RGS10: variants seen among roughly 807,000 people sequenced by gnomAD.
RGS10 encodes regulator of G-protein signalling 10.
In RGS10, 11 loss-of-function variants were observed where a neutral mutation model predicts 23.5. The observed-to-expected ratio is 0.47, with a 90% confidence interval of 0.29 to 0.77. The LOEUF (loss-of-function observed/expected upper bound fraction) is 0.77, where lower values mean the gene tolerates loss of function less well. Ranked by LOEUF, RGS10 falls within the 30% of genes least tolerant of loss-of-function variation. The probability of loss-of-function intolerance (pLI) is 0.08; values close to 1 mark genes in which losing one functional copy is unlikely to be tolerated. For synonymous variants in RGS10, 77 were observed against 83.2 expected (o/e 0.92, Z 0.41); for missense variants, 180 against 226.3 (o/e 0.80, Z 1.31).
At chr10:119,535,493 T>C (rs1844379551) in intron 1 of RGS10, among the ~76,000 whole-genome samples, 1 of 152,190 alleles carries the variant, frequency 6.6e-6, no homozygotes, top group Admixed American at 6.5e-5. Flanking sequence ...TATGATGTCA[T>C]ATCTAACAGA....
At chr10:119,535,370 T>C (rs969095471) in intron 1 of RGS10, among the ~76,000 whole-genome samples, 1 of 152,118 alleles carries the variant, frequency 6.6e-6, no homozygotes, top group African/African-American at 2.4e-5. Context: ...CTGTCCTATG[T>C]GGCTTCTGGC....
At chr10:119,529,207 C>CT (rs1844308971) in intron 1 of RGS10, among the ~76,000 whole-genome samples, 1 of 152,152 alleles carries the variant, frequency 6.6e-6, no homozygotes, top group East Asian at 1.9e-4. Context: ...AATCCTAGCA[C>CT]TTTAGGGGGC....
intron 1 of RGS10, among the ~76,000 whole-genome samples, chr10:119,533,731 G>C (rs191459579): frequency 6.6e-6 from 1 of 152,170 alleles, no homozygotes; most frequent in East Asian, 1.9e-4. Flanking sequence ...ACCTGCTTGT[G>C]ATATTTGTTT....
chr10:119,540,718 A>G (rs1393472936), intron 1 of RGS10, among the ~76,000 whole-genome samples: 1 of 152,200 alleles, frequency 6.6e-6, no homozygotes, highest in African/African-American at 2.4e-5. Flanking sequence ...CAATGGTTCT[A>G]TCTGTCAGTC....
At position 119,526,110 on chromosome 10, in the gene RGS10, T is replaced by TA. The variant is rs774802467; in HGVS notation, c.176dup (p.Leu59PhefsTer7). 8 of 1,536,836 alleles carry TA rather than the reference T, an allele frequency of 5.2e-6. No individual in the cohort carries two copies. Among genetic ancestry groups the TA allele is most frequent in the African/African-American group, 1.4e-5 (1 of 72,634 alleles). On this transcript the variant is annotated frameshift_variant, in exon 3 of 5. Transcript: ENST00000369103. LOFTEE classifies it high-confidence loss of function. ...CATTTTCTTCACTGAATTCCTTTTTTAAAAATTCCTGTGGATACAAAGAAA... is the reference window on the plus strand; with the variant it reads ...CATTTTCTTCACTGAATTCCTTTTTTAAAAAATTCCTGTGGATACAAAGAAA...
chr10:119,541,147 G>A (rs1844431708), intron 1 of RGS10, among the ~76,000 whole-genome samples: 1 of 152,194 alleles, frequency 6.6e-6, no homozygotes, highest in Admixed American at 6.5e-5. Flanking sequence ...CAAGTAATTT[G>A]CCCAGTGTTG....
At chr10:119,535,367 A>G (rs1844376891) in intron 1 of RGS10, among the ~76,000 whole-genome samples, 1 of 152,200 alleles carries the variant, frequency 6.6e-6, no homozygotes, top group South Asian at 2.1e-4. Context: ...ATGCTGTCCT[A>G]TGTGGCTTCT....
chr10:119,534,822 G>A (rs1395932672), intron 1 of RGS10, among the ~76,000 whole-genome samples: 11 of 151,470 alleles, frequency 7.3e-5, no homozygotes, highest in African/African-American at 2.4e-4. Context: ...CCTGGGAGGC[G>A]GAGGTTGCAG....
At chr10:119,500,604 C>A (rs1262519435) in intron 4 of RGS10, among the ~76,000 whole-genome samples, 1 of 151,756 alleles carries the variant, frequency 6.6e-6, no homozygotes, top group Non-Finnish European at 1.5e-5. Flanking sequence ...GGATGTATTT[C>A]TCCAAGAGCT....
At chr10:119,533,941 T>C (rs371126143) in intron 1 of RGS10, among the ~76,000 whole-genome samples, 15 of 152,174 alleles carry the variant, frequency 9.9e-5, no homozygotes, top group Non-Finnish European at 1.9e-4. Context: ...TACTCTGTCA[T>C]TAGCTAATAA....
intron 1 of RGS10, among the ~76,000 whole-genome samples, chr10:119,537,382 C>CAAAAAAA (rs56219523): frequency 7.6e-6 from 1 of 131,370 alleles, no homozygotes; most frequent in African/African-American, 2.9e-5. Flanking sequence ...AACTCCGTCT[C>CAAAAAAA]AAAAAAAAAA....
intron 3 of RGS10, among the ~76,000 whole-genome samples, chr10:119,521,744 G>A (rs1441689747): frequency 2.0e-5 from 3 of 149,354 alleles, no homozygotes; most frequent in Non-Finnish European, 4.4e-5. Context: ...AAACAGAACA[G>A]TTTACATATA....
intron 1 of RGS10, among the ~76,000 whole-genome samples, chr10:119,540,284 T>A (rs1416718873): frequency 1.3e-5 from 2 of 152,126 alleles, no homozygotes; most frequent in Non-Finnish European, 2.9e-5. Flanking sequence ...TGGATCTCAC[T>A]CTGTCACCCA....
rs142693532 is a variant in RGS10, at chr10:119,536,636, C to T, written c.49+5954G>A. On this transcript the variant is annotated intron_variant, in intron 1 of 4. Coordinates refer to ENST00000369103, the MANE Select transcript of RGS10 (RefSeq NM_001005339.2). The stretch of plus-strand genomic sequence containing the variant: ...TTTAAGTGGACTAAACAACAGATGG[C>T]CACTGGTTTCCAGTTTCTACTAGAG... 7.0e-5 allele frequency: 50 copies of T among 711,896 alleles called. No homozygotes were observed. The Middle Eastern group carries it at 9.9e-4, about 14-fold the overall frequency. The allele number at this position is 711,896 out of a possible 1,614,324, so 44.1% of individuals were successfully genotyped here.
chr10:119,535,677 C>T (rs1362617490), intron 1 of RGS10, among the ~76,000 whole-genome samples: 1 of 152,190 alleles, frequency 6.6e-6, no homozygotes, highest in Non-Finnish European at 1.5e-5. Context: ...TAATATCTCA[C>T]TATCCAGTTT....
intron 1 of RGS10, among the ~76,000 whole-genome samples, chr10:119,530,237 C>T (rs1417770752): frequency 6.6e-6 from 1 of 152,202 alleles, no homozygotes; most frequent in Admixed American, 6.5e-5. Flanking sequence ...TGTATCAGAG[C>T]ACACTGGACT....
chr10:119,537,085 G>A (rs994112112), intron 1 of RGS10, among the ~76,000 whole-genome samples: 5 of 152,164 alleles, frequency 3.3e-5, no homozygotes, highest in African/African-American at 1.2e-4. Context: ...CAGAAAGGAG[G>A]ACGGATAGCT....
chr10:119,532,696 C>T (rs1203239012), intron 1 of RGS10, among the ~76,000 whole-genome samples: 3 of 151,992 alleles, frequency 2.0e-5, no homozygotes, highest in African/African-American at 7.3e-5. Context: ...AAACAATTAG[C>T]CTGGAGTGGT....
At chr10:119,529,290 T>C (rs10886507) in intron 1 of RGS10, among the ~76,000 whole-genome samples, 59,414 of 151,728 alleles carry the variant, frequency 0.39, 14,144 homozygotes, top group Non-Finnish European at 0.53. Flanking sequence ...CCGTCTGTAC[T>C]AAAAATAAAA....
Sources: gnomAD v4.1 joint callset for allele counts (sites outside exome capture counted in the v4.1 genomes callset) on GRCh38, gnomAD v4.1.1 for gene constraint, MANE v1.5 for transcripts, NCBI Gene and HGNC (gene_info 2026-07-23, HGNC 2026-07-21) for gene names.